NAV1: variants seen among roughly 807,000 people sequenced by gnomAD.
NAV1 encodes neuron navigator 1, also known as pore membrane and/or filament interacting like protein 3.
NAV1 carries 18 observed loss-of-function variants against 175.2 expected under a neutral mutation model. That is an observed-to-expected ratio of 0.10 (90% CI 0.07 to 0.15). The LOEUF (loss-of-function observed/expected upper bound fraction) is 0.15. NAV1 is among the 10% of genes least tolerant of loss of function. The pLI is 1.00. For missense variants in NAV1, 1,731 were observed against 2,436.6 expected (o/e 0.71, Z 6.10); for synonymous variants, 897 against 978.7 (o/e 0.92, Z 1.56).
chr1:201,817,675 A>G (rs1291717707), intron 29 of NAV1, among the ~76,000 whole-genome samples: 2 of 152,160 alleles, frequency 1.3e-5, no homozygotes, highest in African/African-American at 4.8e-5. Context: ...GTATTCTAGC[A>G]AAGACCCAAG....
chr1:201,772,679 C>T (rs373891887), intron 3 of NAV1, among the ~76,000 whole-genome samples: 3 of 152,162 alleles, frequency 2.0e-5, no homozygotes, highest in Non-Finnish European at 4.4e-5. Context: ...GGGTTATACG[C>T]TCATTCTGGA....
exon 25 of NAV1, chr1:201,811,755 A>G (rs373977994): frequency 5.0e-6 from 8 of 1,604,088 alleles, no homozygotes; most frequent in Non-Finnish European, 6.8e-6. Context: ...AGTATCATAA[A>G]TGGTAAGTAA....
chr1:201,826,875 A>G (rs998679881), exon 30 of NAV1: 8 of 152,206 alleles, frequency 5.3e-5, no homozygotes, highest in Admixed American at 4.6e-4. Context: ...GCCACCCCCA[A>G]TCTGGGCCCT....
chr1:201,602,376 C>T (rs1667543016), intron 2 of NAV1, among the ~76,000 whole-genome samples: 1 of 152,176 alleles, frequency 6.6e-6, no homozygotes, highest in Admixed American at 6.5e-5. Flanking sequence ...GAGTCTCGTT[C>T]TGTCACCCAG....
chr1:201,727,098 G>A (rs1672639808), intron 3 of NAV1, among the ~76,000 whole-genome samples: 1 of 152,104 alleles, frequency 6.6e-6, no homozygotes, highest in Non-Finnish European at 1.5e-5. Flanking sequence ...ATTAATGTGA[G>A]GATTAAATTA....
chr1:201,652,386 C>T (rs886935890), intron 1 of NAV1, among the ~76,000 whole-genome samples: 3 of 152,148 alleles, frequency 2.0e-5, no homozygotes, highest in African/African-American at 4.8e-5. Flanking sequence ...CCTGTCCCTT[C>T]GCTAACCTTG....
chr1:201,793,700 C>A (rs541639451), intron 13 of NAV1, 92 bp from the exon 18 acceptor site: 2 of 1,113,038 alleles, frequency 1.8e-6, no homozygotes, highest in East Asian at 2.5e-5. Context: ...CTCCGAGATA[C>A]AGGAAATCAG....
intron 1 of NAV1, among the ~76,000 whole-genome samples, chr1:201,664,667 C>T (rs534388859): frequency 6.6e-6 from 1 of 152,346 alleles, no homozygotes; most frequent in African/African-American, 2.4e-5. Flanking sequence ...AGACACAGTG[C>T]TGCACTCGAC....
At chr1:201,558,044 C>G (rs572868584) in intron 1 of NAV1, among the ~76,000 whole-genome samples, 1 of 152,324 alleles carries the variant, frequency 6.6e-6, no homozygotes, top group African/African-American at 2.4e-5. Flanking sequence ...CTGCCTCTTC[C>G]TAGCTGTGCG....
chr1:201,560,326 T>C (rs1666161443), intron 1 of NAV1, among the ~76,000 whole-genome samples: 1 of 152,250 alleles, frequency 6.6e-6, no homozygotes, highest in Non-Finnish European at 1.5e-5. Flanking sequence ...TTTTTCAGCC[T>C]GGCTGCTGCT....
At chr1:201,706,168 C>T (rs1451439329) in intron 1 of NAV1, among the ~76,000 whole-genome samples, 2 of 152,174 alleles carry the variant, frequency 1.3e-5, no homozygotes, top group African/African-American at 4.8e-5. Context: ...CAGATAAACT[C>T]CCACTGACCT....
At chr1:201,791,819 G>A (rs1463554659) in intron 13 of NAV1, 1 of 152,154 alleles carries the variant, frequency 6.6e-6, no homozygotes, top group Non-Finnish European at 1.5e-5. Flanking sequence ...TTTGTTTGAA[G>A]CTCATGTTAA....
chr1:201,810,765 GC>G lies in NAV1; in HGVS notation c.4797+13del, dbSNP rs749952506. Reference sequence around the variant, plus strand: ...GCACCAGCAGTCTTGCAAGGTGGCTGCCCCCCGACACCCCTGCCAGCCTTTG... The same window carrying G: ...GCACCAGCAGTCTTGCAAGGTGGCTGCCCCCGACACCCCTGCCAGCCTTTG... On this transcript the variant is annotated splice_region_variant and intron_variant, in intron 24 of 29. Transcript: ENST00000367296. This position sits in a 1 kb window ranked among gnomAD's most constrained non-coding sequence, Gnocchi z 6.0. The G allele has an allele frequency of 2.4e-5, 39 of 1,608,470 alleles. No homozygotes were observed. In the African/African-American group the frequency reaches 4.5e-4, roughly 19 times the overall value.
intron 10 of NAV1, among the ~76,000 whole-genome samples, chr1:201,789,517 A>G (rs995194189): frequency 6.6e-6 from 1 of 152,150 alleles, no homozygotes; most frequent in South Asian, 2.1e-4. Context: ...AGGGACTGCC[A>G]TACCCAGGCT....
rs1287179956 is a variant in NAV1, at chr1:201,813,297, C to T, written c.5340+39C>T. Reference sequence around the variant, plus strand: ...CCTTCACTCAAACCCTAAGATCAGGCTGTCCTACCTAACAAAGTAGGAATG... The same window carrying T: ...CCTTCACTCAAACCCTAAGATCAGGTTGTCCTACCTAACAAAGTAGGAATG... On this transcript the variant is annotated intron_variant, in intron 28 of 29. Coordinates refer to ENST00000367296, the Ensembl canonical transcript of NAV1. The surrounding 1 kb of genome is among the most constrained non-coding windows in gnomAD (Gnocchi z 4.2). 2 of 1,282,014 alleles carry T rather than the reference C, an allele frequency of 1.6e-6. No homozygotes were observed. The highest frequency in any genetic ancestry group is 1.8e-5 in the Admixed American group (1 of 55,318). The allele number at this position is 1,282,014 out of a possible 1,614,324, so 79.4% of individuals were successfully genotyped here. A position where few individuals can be genotyped will look rare whatever the true frequency, so the allele number is the denominator to read the frequency against.
intron 3 of NAV1, among the ~76,000 whole-genome samples, chr1:201,727,905 C>T (rs1459579680): frequency 1.3e-5 from 2 of 152,160 alleles, no homozygotes; most frequent in African/African-American, 4.8e-5. Context: ...AAGCCTGCTG[C>T]ACATAGGCTG....
At chr1:201,556,746 C>T (rs533359267) in intron 1 of NAV1, among the ~76,000 whole-genome samples, 15 of 152,200 alleles carry the variant, frequency 9.9e-5, no homozygotes, top group Non-Finnish European at 1.9e-4. Flanking sequence ...AGAGGCTTGC[C>T]ACCAGTCCTT....
At chr1:201,605,178 C>T (rs1218798100) in intron 2 of NAV1, among the ~76,000 whole-genome samples, 1 of 150,828 alleles carries the variant, frequency 6.6e-6, no homozygotes, top group Non-Finnish European at 1.5e-5. Flanking sequence ...GCTTCTCTCC[C>T]ATGCCTTTGT....
intron 1 of NAV1, among the ~76,000 whole-genome samples, chr1:201,654,935 TC>T (rs535150857): frequency 2.0e-5 from 3 of 152,320 alleles, no homozygotes; most frequent in African/African-American, 7.2e-5. Context: ...TACCCGTGGG[TC>T]TGAATTTGCT....
Sources: allele counts gnomAD v4.1 joint callset (sites outside exome capture counted in the v4.1 genomes callset), GRCh38; gene constraint gnomAD v4.1.1; non-coding constraint Gnocchi (gnomAD v3.1); transcripts MANE v1.5; gene names NCBI Gene and HGNC (gene_info 2026-07-23, HGNC 2026-07-21).